The following COL16A1 variants were observed in gnomAD, a reference collection of about 807,000 sequenced individuals.
COL16A1 encodes the protein collagen alpha-1(XVI) chain.
In COL16A1, 189 loss-of-function variants were observed where a neutral mutation model predicts 266.3. The ratio of observed to expected loss-of-function variants is 0.71; its 90% CI spans 0.63 to 0.80. The LOEUF is 0.80. Ranked by LOEUF, COL16A1 falls within the 30% of genes least tolerant of loss-of-function variation. The pLI is 0.00. For missense variants in COL16A1, 1,928 were observed against 2,122.4 expected (o/e 0.91, Z 1.80); for synonymous variants, 740 against 782.3 (o/e 0.95, Z 0.90).
chr1:31,669,477 C>T (rs773570312), intron 49 of COL16A1, among the ~76,000 whole-genome samples: 16 of 152,074 alleles, frequency 1.1e-4, no homozygotes, highest in Non-Finnish European at 2.1e-4. Context: ...CCAGCCTTTG[C>T]AGGTGCCATG....
intron 26 of COL16A1, among the ~76,000 whole-genome samples, chr1:31,687,638 A>G (rs185519014): frequency 2.0e-5 from 3 of 150,854 alleles, no homozygotes; most frequent in Non-Finnish European, 4.4e-5. Context: ...GGGAGGGGGC[A>G]GCGTCAGGAG....
chr1:31,670,926 G>C lies in COL16A1; in HGVS notation c.3151-280C>G, dbSNP rs2148707528. On this transcript the variant is annotated intron_variant, in intron 48 of 70. Coordinates refer to ENST00000373672, the MANE Select transcript of COL16A1 (RefSeq NM_001856.4). This position sits in a 1 kb window ranked among gnomAD's most constrained non-coding sequence, Gnocchi z 4.5. The stretch of plus-strand genomic sequence containing the variant: ...GAGTCTAACTGAAGATCCGGTTGCA[G>C]CAGAAGCCCATTTCTTTCAGCCTTG... Among the ~76,000 whole-genome samples the C allele has an allele frequency of 6.6e-6, 1 of 152,332 alleles. No individual in the cohort carries two copies. Among genetic ancestry groups the C allele is most frequent in the South Asian group, 2.1e-4 (1 of 4,828 alleles).
In COL16A1 at chr1:31,664,156, AGGAAGGGGAAGGGGAAGGGGAAGG is replaced by A. The variant is rs71006319; in HGVS notation, c.3555+992_3555+1015del. ...TGCCACTCAGGTCCTGGGGAGGGGA[AGGAAGGGGAAGGGGAAGGGGAAGG>A]GGAAGGGGAAGGGGAAGGGGGCTAG... On this transcript the variant is annotated intron_variant, in intron 56 of 70. Transcript: ENST00000373672. The surrounding 1 kb of genome is among the most constrained non-coding windows in gnomAD (Gnocchi z 5.5). Among the ~76,000 whole-genome samples the A allele has an allele frequency of 1.1e-4, 15 of 135,038 alleles. No homozygotes were observed. Among genetic ancestry groups the A allele is most frequent in the East Asian group, 4.5e-4 (2 of 4,484 alleles). The allele number at this position is 135,038 out of a possible 152,430, so 88.6% of individuals were successfully genotyped here. A position where few individuals can be genotyped will look rare whatever the true frequency, so the allele number is the denominator to read the frequency against.
intron 57 of COL16A1, 37 bp downstream of exon 57, chr1:31,662,550 C>A (rs1288766396): frequency 6.4e-7 from 1 of 1,555,158 alleles, no homozygotes; most frequent in East Asian, 2.4e-5. Flanking sequence ...GCGCATGCAT[C>A]GCACACGTCT....
chr1:31,666,095 G>A lies in COL16A1; in HGVS notation c.3358-14C>T. ...TCCTGGGGGGCCCTAAGGATACAAAGGAACAGAATCAGTCACTCCTCCTGG... is the reference window on the plus strand; with the variant it reads ...TCCTGGGGGGCCCTAAGGATACAAAAGAACAGAATCAGTCACTCCTCCTGG... On this transcript the variant is annotated splice_polypyrimidine_tract_variant and intron_variant, in intron 52 of 70. Transcript: ENST00000373672. The A allele has an allele frequency of 6.2e-7, 1 of 1,607,318 alleles. No individual in the cohort carries two copies.
chr1:31,683,741 G>T lies in COL16A1; in HGVS notation c.2345C>A (p.Pro782Gln), dbSNP rs770350682. ...CTGGACTCCCCTTCCTGGAGGCCCTGGCTCTCCCTGAAGAGGCAGAAGGAC... is the reference window on the plus strand; with the variant it reads ...CTGGACTCCCCTTCCTGGAGGCCCTTGCTCTCCCTGAAGAGGCAGAAGGAC... The part of the protein sequence containing the change: ...PPGLKGVQGE[P>Q]GPPGRGVQGP... The change falls in exon 34 of 71, where the codon CCA (proline) becomes CAA (glutamine). Residue 782 changes from proline to glutamine, a missense_variant. By Grantham distance (76) the Pro-to-Gln change is moderately conservative. This residue lies in a region of COL16A1 where 1,552 missense variants were observed against 1,637.2 expected (regional missense o/e 0.95). Transcript: ENST00000373672. The T allele has an allele frequency of 2.5e-6, 4 of 1,614,104 alleles. No homozygotes were observed. The South Asian group carries it at 3.3e-5, about 13-fold the overall frequency.
intron 4 of COL16A1, among the ~76,000 whole-genome samples, chr1:31,699,566 A>T (rs906916518): frequency 2.0e-5 from 3 of 152,190 alleles, no homozygotes; most frequent in Non-Finnish European, 4.4e-5. Context: ...CACAGTGCCC[A>T]CAGGATGCAG....
At chr1:31,687,173 G>C (rs1644019462) in intron 26 of COL16A1, among the ~76,000 whole-genome samples, 2 of 152,152 alleles carry the variant, frequency 1.3e-5, no homozygotes, top group Admixed American at 6.5e-5. Flanking sequence ...CTTGAGGTCA[G>C]GAATTTGAGA....
intron 20 of COL16A1, 139 bp from the exon 21 acceptor site, chr1:31,690,712 C>A: frequency 5.0e-6 from 7 of 1,400,336 alleles, no homozygotes; most frequent in Non-Finnish European, 6.7e-6. Flanking sequence ...TCCATTCGGT[C>A]GGTTCCTGTT....
intron 44 of COL16A1, among the ~76,000 whole-genome samples, chr1:31,674,676 A>T (rs116234807): frequency 2.6e-4 from 39 of 152,242 alleles, no homozygotes; most frequent in African/African-American, 8.9e-4. Context: ...TTGCTTTGGA[A>T]GCTGCTGGGC....
rs1641910075 is a variant in COL16A1 at position 31,664,007 on chromosome 1, C to T, written c.3555+1165G>A. Among the ~76,000 whole-genome samples, 1 of 152,154 alleles carries T rather than the reference C, an allele frequency of 6.6e-6. No homozygotes were observed. Among genetic ancestry groups the T allele is most frequent in the Admixed American group, 6.5e-5 (1 of 15,284 alleles). On this transcript the variant is annotated intron_variant, in intron 56 of 70. Coordinates refer to ENST00000373672, the MANE Select transcript of COL16A1 (RefSeq NM_001856.4). This position sits in a 1 kb window ranked among gnomAD's most constrained non-coding sequence, Gnocchi z 5.5. ...TGAACTCGGGGGCTCTGTAATGCCA[C>T]CAGCCACCAGGAGGGGTCAGCAGAG...
chr1:31,672,413 T>C lies in COL16A1; in HGVS notation c.3105+3A>G. ...GAGGATGAATCCCCATCCCTGGTCT[T>C]ACCTCTTCTCCTCTCTGGCCTGGCA... On this transcript the variant is annotated splice_donor_region_variant and intron_variant, in intron 47 of 70. Coordinates refer to ENST00000373672, the MANE Select transcript of COL16A1 (RefSeq NM_001856.4). The C allele has an allele frequency of 3.1e-6, 5 of 1,614,104 alleles. No individual in the cohort carries two copies. The highest frequency in any genetic ancestry group is 4.2e-6 in the Non-Finnish European group (5 of 1,180,002).
intron 47 of COL16A1, 133 bp downstream of exon 47, chr1:31,672,283 C>T (rs527456599): frequency 2.5e-5 from 24 of 969,476 alleles, no homozygotes; most frequent in South Asian, 9.5e-5. Flanking sequence ...AGAGAAGCCA[C>T]GTGCCAGGAG....
At chr1:31,675,454 T>A (rs568878442) in intron 42 of COL16A1, 143 bp from the exon 43 acceptor site, 1 of 1,288,774 alleles carries the variant, frequency 7.8e-7, no homozygotes, top group Non-Finnish European at 1.1e-6. Flanking sequence ...TGACATCTAT[T>A]CTTAGCTCAA....
At position 31,700,213 on chromosome 1, in the gene COL16A1, C is replaced by A. The variant is rs1263444281; in HGVS notation, c.74-98G>T. On this transcript the variant is annotated intron_variant, in intron 2 of 70. Transcript: ENST00000373672. Reference sequence around the variant, plus strand: ...ACCTGGGAGGGAGCAAGTTTATAGTCCTCACTCTGGACCATCAGCTAGATC... The same window carrying A: ...ACCTGGGAGGGAGCAAGTTTATAGTACTCACTCTGGACCATCAGCTAGATC... 1.5e-5 allele frequency: 16 copies of A among 1,100,480 alleles called. No individual in the cohort carries two copies. The Admixed American group carries it at 1.5e-4, about 10-fold the overall frequency. 68.2% of individuals were successfully genotyped at this position (1,100,480 alleles called of 1,614,324 possible).
At position 31,692,141 on chromosome 1, in the gene COL16A1, G is replaced by A. The variant is rs116172962; in HGVS notation, c.1195-74C>T. 1,615 of 1,603,262 alleles carry A rather than the reference G, an allele frequency of 1.0e-3. 9 individuals are homozygous for A. In the African/African-American group the frequency reaches 0.019, roughly 19 times the overall value. On this transcript the variant is annotated intron_variant, in intron 16 of 70. Transcript: ENST00000373672. ...CAGCTGGGCAGCTCCATCTGGTGGAGGGACAACTGCCTTCTAGACCCCTGG... is the reference window on the plus strand; with the variant it reads ...CAGCTGGGCAGCTCCATCTGGTGGAAGGACAACTGCCTTCTAGACCCCTGG...
At chr1:31,695,660 G>C in intron 10 of COL16A1, 101 bp downstream of exon 10, 1 of 1,107,070 alleles carries the variant, frequency 9.0e-7, no homozygotes, top group Non-Finnish European at 1.4e-6. Flanking sequence ...CAGGAGCTGT[G>C]TAGTCAGCCA....
At chr1:31,661,042 G>A (rs759325332) in intron 61 of COL16A1, 24 bp downstream of exon 61, 25 of 1,553,094 alleles carry the variant, frequency 1.6e-5, no homozygotes, top group Non-Finnish European at 2.1e-5. Context: ...ACTGAAGGCA[G>A]CCATGTGGAT....
intron 2 of COL16A1, 131 bp downstream of exon 2, chr1:31,701,990 G>A (rs1002019810): frequency 7.0e-7 from 1 of 1,420,234 alleles, no homozygotes; most frequent in African/African-American, 1.4e-5. Context: ...ATCACCCTGA[G>A]CCCAGCCCCT....
Sources: gnomAD v4.1 joint callset for allele counts (sites outside exome capture counted in the v4.1 genomes callset) on GRCh38, gnomAD v4.1.1 for gene constraint, gnomAD v4.1.1 regional missense constraint, Gnocchi (gnomAD v3.1) non-coding constraint, MANE v1.5 for transcripts, NCBI Gene and HGNC (gene_info 2026-07-23, HGNC 2026-07-21) for gene names.